The following ATN1 variants were observed in gnomAD, a reference collection of about 807,000 sequenced individuals.
The protein encoded by ATN1 is atrophin-1.
Under a neutral mutation model 85.8 loss-of-function variants are expected in ATN1, and 19 were observed. That is an observed-to-expected ratio of 0.22 (90% confidence interval 0.15 to 0.32). The LOEUF is 0.32. Among genes scored for constraint, ATN1 ranks in the 10% least tolerant of loss-of-function variants. The pLI is 1.00. For missense variants in ATN1, 1,453 were observed against 1,564.5 expected, an observed-to-expected ratio of 0.93 and a Z score of 1.20; for synonymous variants, 674 against 657.0, an observed-to-expected ratio of 1.03 and a Z score of -0.39.
intron 1 of ATN1, among the ~76,000 whole-genome samples, chr12:6,930,141 G>T (rs1591658854): frequency 6.6e-6 from 1 of 152,324 alleles, no homozygotes; most frequent in East Asian, 1.9e-4. Context: ...TTGAGCCTGG[G>T]CTTCATTGTT....
Position 6,936,405 on chromosome 12 carries a change from A to G in ATN1, c.1138A>G (p.Ser380Gly), listed in dbSNP as rs370072335. ...GAGGTTTCCTTATTCATCCTCTAGTAGTAGCTCTGCAGCAGCCTCCTCTTC... is the reference window on the plus strand; with the variant it reads ...GAGGTTTCCTTATTCATCCTCTAGTGGTAGCTCTGCAGCAGCCTCCTCTTC... ...PMRFPYSSSS[S>G]SSAAASSSSS... The change falls in exon 5 of 10, where the codon AGT (serine) becomes GGT (glycine). Residue 380 changes from serine to glycine, a missense_variant. This residue lies in a region of ATN1 where 990 missense variants were observed against 914.8 expected (regional missense o/e 1.08). Coordinates refer to ENST00000396684, the MANE Select transcript of ATN1 (RefSeq NM_001940.4). 2.6e-5 allele frequency: 42 copies of G among 1,613,286 alleles called. No homozygotes were observed. The highest frequency in any genetic ancestry group is 3.3e-4 in the Middle Eastern group (2 of 6,058).
Position 6,937,458 on chromosome 12 carries a change from G to A in ATN1, c.2191G>A (p.Ala731Thr). Residue 731 changes from alanine to threonine, a missense_variant, in exon 5 of 10, where the codon GCT (alanine) becomes ACT (threonine). Coordinates refer to ENST00000396684, the MANE Select transcript of ATN1 (RefSeq NM_001940.4). The surrounding 1 kb of genome is among the most constrained non-coding windows in gnomAD (Gnocchi z 6.0). ...LSATQIKQEP[A>T]EEYETPESPV... The stretch of plus-strand genomic sequence containing the variant: ...CGCCACGCAGATCAAACAGGAGCCG[G>A]CTGAGGAGTATGAGACCCCCGAGAG... The A allele has an allele frequency of 6.5e-7, 1 of 1,546,752 alleles. No individual in the cohort carries two copies. Among genetic ancestry groups the A allele is most frequent in the Admixed American group, 2.0e-5 (1 of 51,086 alleles).
intron 6 of ATN1, 87 bp downstream of exon 6, chr12:6,938,154 G>A: frequency 6.9e-7 from 1 of 1,448,912 alleles, no homozygotes; most frequent in Non-Finnish European, 9.0e-7. Flanking sequence ...TACGCTGCGG[G>A]GCTGTGGCTG....
At chr12:6,938,164 G>C (rs1945579462) in intron 6 of ATN1, 97 bp downstream of exon 6, 1 of 1,443,472 alleles carries the variant, frequency 6.9e-7, no homozygotes, top group South Asian at 1.5e-5. Context: ...GGCTGTGGCT[G>C]GGTGGGCGGG....
Position 6,936,965 on chromosome 12 carries a change from T to G in ATN1, c.1698T>G (p.Pro566=). 6.2e-7 allele frequency: 1 copy of G among 1,613,732 alleles called. No homozygotes were observed. Among genetic ancestry groups the G allele is most frequent in the Non-Finnish European group, 8.5e-7 (1 of 1,179,848 alleles). ...VSYSQAGPNG[P]PVSSSSNSSS... ...ACAGCCAAGCAGGCCCCAATGGCCC[T>G]CCAGTCTCTTCCTCTTCCAACTCTT... Residue 566 remains proline (P), a synonymous_variant, in exon 5 of 10, where the codon CCT becomes CCG. Coordinates refer to ENST00000396684, the MANE Select transcript of ATN1 (RefSeq NM_001940.4).
At position 6,936,716 on chromosome 12, in the gene ATN1, CCAGCAACAGCAACAGCAG is replaced by C. The variant is rs1565566488; in HGVS notation, c.1455_1472del (p.Gln497_Gln502del). On this transcript the variant is annotated inframe_deletion, in exon 5 of 10. Coordinates refer to ENST00000396684, the MANE Select transcript of ATN1 (RefSeq NM_001940.4). ...CAGTCTCAACACATCACCATCACCA[CCAGCAACAGCAACAGCAG>C]CAGCAGCAGCAGCAGCAGCAGCAGC... The C allele has an allele frequency of 1.3e-6, 2 of 1,580,480 alleles. No homozygotes were observed. Among genetic ancestry groups the C allele is most frequent in the Admixed American group, 1.7e-5 (1 of 58,678 alleles).
At position 6,938,580 on chromosome 12, in the gene ATN1, C is replaced by T; in HGVS notation, c.2617C>T (p.Pro873Ser). ...ACCGGGCAGTGCGGTGGCTACAGTG[C>T]CCCCCTACCTGGGTCCTGACACTCC... The part of the protein sequence containing the change: ...FEPGSAVATV[P>S]PYLGPDTPAL... The change falls in exon 7 of 10, where the codon CCC becomes TCC. Residue 873 changes from proline to serine, a missense_variant. Coordinates refer to ENST00000396684, the MANE Select transcript of ATN1 (RefSeq NM_001940.4). 2 of 1,614,220 alleles carry T rather than the reference C, an allele frequency of 1.2e-6. No individual in the cohort carries two copies. The highest frequency in any genetic ancestry group is 1.1e-5 in the South Asian group (1 of 91,086).
chr12:6,928,521 C>G (rs1409644488), intron 1 of ATN1, 137 bp downstream of exon 1: 2 of 152,202 alleles, frequency 1.3e-5, no homozygotes, highest in South Asian at 4.1e-4. Flanking sequence ...TTCCCAATCC[C>G]GTCCCCCCAC....
rs140422221 is a variant in ATN1, at chr12:6,931,050, C to G, written c.-163+2666C>G. On this transcript the variant is annotated intron_variant, in intron 1 of 9. Transcript: ENST00000396684. ...TTCTTTTATGACTGCTTTTCTCCTT[C>G]AAAGCTTCTCATTGCTAGTTTTTAT... is the stretch of plus-strand genomic sequence containing the variant. Among the ~76,000 whole-genome samples the G allele has an allele frequency of 1.8e-3, 268 of 152,238 alleles. 1 individual carries two copies. The highest frequency in any genetic ancestry group is 6.0e-3 in the African/African-American group (250 of 41,536).
intron 1 of ATN1, among the ~76,000 whole-genome samples, chr12:6,931,729 AG>A (rs1320729256): frequency 4.9e-5 from 7 of 143,714 alleles, no homozygotes; most frequent in African/African-American, 8.0e-5. Flanking sequence ...AAAAAAAAAA[AG>A]GAAAAAAAAA....
At position 6,937,487 on chromosome 12, in the gene ATN1, G is replaced by T; in HGVS notation, c.2220G>T (p.Pro740=). 6.5e-7 allele frequency: 1 copy of T among 1,545,724 alleles called. No individual in the cohort carries two copies. Reference sequence around the variant, plus strand: ...AGGAGTATGAGACCCCCGAGAGCCCGGTGCCCCCAGCCCGCAGCCCCTCGC... The same window carrying T: ...AGGAGTATGAGACCCCCGAGAGCCCTGTGCCCCCAGCCCGCAGCCCCTCGC... ...PAEEYETPES[P]VPPARSPSPP... Residue 740 remains proline, a synonymous_variant, in exon 5 of 10, where the codon CCG becomes CCT. Transcript: ENST00000396684. The surrounding 1 kb of genome is among the most constrained non-coding windows in gnomAD (Gnocchi z 6.0).
At chr12:6,939,699 G>T (rs889425833) in intron 7 of ATN1, among the ~76,000 whole-genome samples, 1 of 151,938 alleles carries the variant, frequency 6.6e-6, no homozygotes, top group East Asian at 1.9e-4. Flanking sequence ...ACGGGGTTTC[G>T]CCATGTTGGC....
At chr12:6,929,233 G>A (rs1206642369) in intron 1 of ATN1, among the ~76,000 whole-genome samples, 1 of 152,106 alleles carries the variant, frequency 6.6e-6, no homozygotes, top group Non-Finnish European at 1.5e-5. Flanking sequence ...CAACCTTACA[G>A]GCACTCCAGG....
chr12:6,932,692 C>G (rs1160524539), intron 1 of ATN1, among the ~76,000 whole-genome samples: 2 of 152,176 alleles, frequency 1.3e-5, no homozygotes, highest in Non-Finnish European at 2.9e-5. Flanking sequence ...AGTCTTTAAT[C>G]ATTCATGTGA....
At position 6,933,917 on chromosome 12, in the gene ATN1, G is replaced by C; in HGVS notation, c.-85G>C. Reference sequence around the variant, plus strand: ...TGGAGATCCTGCTTCCCAGACCACAGCTGTGGGGAACTTGGGGTGGAGCAG... The same window carrying C: ...TGGAGATCCTGCTTCCCAGACCACACCTGTGGGGAACTTGGGGTGGAGCAG... On this transcript the variant is annotated 5_prime_UTR_variant, in exon 2 of 10. Coordinates refer to ENST00000396684, the MANE Select transcript of ATN1 (RefSeq NM_001940.4). 6.6e-7 allele frequency: 1 copy of C among 1,525,488 alleles called. No homozygotes were observed. Among genetic ancestry groups the C allele is most frequent in the African/African-American group, 1.4e-5 (1 of 73,240 alleles). 94.5% of individuals were successfully genotyped at this position (1,525,488 alleles called of 1,614,324 possible).
intron 1 of ATN1, among the ~76,000 whole-genome samples, chr12:6,931,613 C>T (rs781822778): frequency 1.1e-4 from 16 of 150,318 alleles, no homozygotes; most frequent in African/African-American, 3.7e-4. Flanking sequence ...ACTTGGGAGG[C>T]TGAGGCAGGA....
Position 6,936,505 on chromosome 12 carries a change from C to T in ATN1, c.1238C>T (p.Pro413Leu). The T allele has an allele frequency of 6.2e-7, 1 of 1,601,908 alleles. No individual in the cohort carries two copies. The highest frequency in any genetic ancestry group is 8.5e-7 in the Non-Finnish European group (1 of 1,177,004). ...TTGCCCAGCTACCCCCACTCTTTCCCTCCCCCAACAAGCCTCTCTGTCTCC... is the reference window on the plus strand; with the variant it reads ...TTGCCCAGCTACCCCCACTCTTTCCTTCCCCCAACAAGCCTCTCTGTCTCC... Reference protein sequence around the residue: ...QALPSYPHSFPPPTSLSVSNQ... With the variant: ...QALPSYPHSFLPPTSLSVSNQ... Residue 413 changes from proline (P) to leucine (L), a missense_variant, in exon 5 of 10, where the codon CCT becomes CTT. Coordinates refer to ENST00000396684, the MANE Select transcript of ATN1 (RefSeq NM_001940.4).
Position 6,937,679 on chromosome 12 carries a change from C to T in ATN1, c.2294+118C>T, listed in dbSNP as rs1591665149. 7.7e-6 allele frequency: 11 copies of T among 1,428,874 alleles called. No individual in the cohort carries two copies. The highest frequency in any genetic ancestry group is 1.0e-5 in the Non-Finnish European group (11 of 1,089,652). 88.5% of individuals were successfully genotyped at this position (1,428,874 alleles called of 1,614,324 possible). Reference sequence around the variant, plus strand: ...GGTGTAGTGTTTTAGAAAAGCACGCCCCTCTCCTCCGTCCAGGCCTAGTGG... The same window carrying T: ...GGTGTAGTGTTTTAGAAAAGCACGCTCCTCTCCTCCGTCCAGGCCTAGTGG... On this transcript the variant is annotated intron_variant, in intron 5 of 9. Transcript: ENST00000396684. The surrounding 1 kb of genome is among the most constrained non-coding windows in gnomAD (Gnocchi z 6.0).
upstream of ATN1, among the ~76,000 whole-genome samples, chr12:6,927,031 A>T (rs1945405620): frequency 6.7e-6 from 1 of 149,696 alleles, no homozygotes; most frequent in Non-Finnish European, 1.5e-5. Context: ...ACCTGGGCCC[A>T]CCTCGTTCAT....
Sources: allele counts gnomAD v4.1 joint callset (sites outside exome capture counted in the v4.1 genomes callset), GRCh38; gene constraint gnomAD v4.1.1; regional missense constraint gnomAD v4.1.1; non-coding constraint Gnocchi (gnomAD v3.1); transcripts MANE v1.5; gene names NCBI Gene and HGNC (gene_info 2026-07-23, HGNC 2026-07-21).